ZMAT4: variants seen among roughly 807,000 people sequenced by gnomAD.
ZMAT4 encodes the protein zinc finger matrin-type 4.
Under a neutral mutation model 28.7 loss-of-function variants are expected in ZMAT4, and 17 were observed. That is an observed-to-expected ratio of 0.59 (90% CI 0.41 to 0.89). ZMAT4 has a LOEUF of 0.89. Ranked by LOEUF, ZMAT4 falls within the 40% of genes least tolerant of loss-of-function variation. The probability of loss-of-function intolerance (pLI) is 0.00; values close to 1 mark genes in which losing one functional copy is unlikely to be tolerated. For synonymous variants in ZMAT4, 117 were observed against 109.2 expected, an observed-to-expected ratio of 1.07 and a Z score of -0.44; for missense variants, 240 against 283.8, an observed-to-expected ratio of 0.85 and a Z score of 1.11.
At chr8:40,681,701 T>C (rs971199242) in intron 4 of ZMAT4, among the ~76,000 whole-genome samples, 5 of 152,344 alleles carry the variant, frequency 3.3e-5, no homozygotes, top group South Asian at 2.1e-4. Flanking sequence ...AAAGTACTGG[T>C]GACTTTTAAT....
In ZMAT4 at chr8:40,799,347, GT is replaced by G. The variant is rs529813285; in HGVS notation, c.102+26227del. ...AATGATGTTTAGATAGTTTAAAACT[GT>G]TTCTGTTCCTGTCTGTCCGTCTCTC... On this transcript the variant is annotated intron_variant, in intron 2 of 6. Transcript: ENST00000297737. Among the ~76,000 whole-genome samples, 232 of 152,144 alleles carry G rather than the reference GT, an allele frequency of 1.5e-3. 1 individual carries two copies. The highest frequency in any genetic ancestry group is 5.4e-3 in the African/African-American group (223 of 41,520).
intron 4 of ZMAT4, among the ~76,000 whole-genome samples, chr8:40,691,623 A>G (rs1809668513): frequency 6.6e-6 from 1 of 152,230 alleles, no homozygotes; most frequent in African/African-American, 2.4e-5. Context: ...AGAATCCTCA[A>G]ACAATGAGGA....
chr8:40,788,037 A>G (rs964452752), intron 2 of ZMAT4, among the ~76,000 whole-genome samples: 3 of 152,164 alleles, frequency 2.0e-5, no homozygotes, highest in African/African-American at 7.2e-5. Context: ...ATAGAAATAC[A>G]AAAGAGAAAA....
intron 2 of ZMAT4, among the ~76,000 whole-genome samples, chr8:40,781,570 G>A (rs34649184): frequency 0.16 from 24,190 of 150,012 alleles, 2,432 homozygotes; most frequent in Middle Eastern, 0.24. Flanking sequence ...AGACCATCCC[G>A]GCTAAAACGG....
At chr8:40,747,036 C>A (rs190538638) in intron 3 of ZMAT4, among the ~76,000 whole-genome samples, 1 of 152,302 alleles carries the variant, frequency 6.6e-6, no homozygotes, top group East Asian at 1.9e-4. Flanking sequence ...CTTATGAGAG[C>A]TGCCACTTTC....
intron 5 of ZMAT4, among the ~76,000 whole-genome samples, chr8:40,620,701 A>G (rs1046392575): frequency 6.6e-6 from 1 of 152,174 alleles, no homozygotes; most frequent in African/African-American, 2.4e-5. Flanking sequence ...TTGGTTTCCT[A>G]TTGCTGCTAC....
intron 6 of ZMAT4, among the ~76,000 whole-genome samples, chr8:40,552,775 A>G (rs918704361): frequency 3.3e-5 from 5 of 152,156 alleles, no homozygotes; most frequent in Admixed American, 2.6e-4. Flanking sequence ...CTTTGACTAT[A>G]GCGCAATGTA....
chr8:40,786,494 G>A (rs1464555107), intron 2 of ZMAT4, among the ~76,000 whole-genome samples: 8 of 148,078 alleles, frequency 5.4e-5, no homozygotes, highest in South Asian at 4.4e-4. Context: ...GATGCATACC[G>A]TACACAAACA....
intron 2 of ZMAT4, among the ~76,000 whole-genome samples, chr8:40,779,075 A>T (rs1813719032): frequency 6.6e-6 from 1 of 152,122 alleles, no homozygotes; most frequent in Admixed American, 6.5e-5. Context: ...CCCATAATTC[A>T]TGTTGTGGGA....
At chr8:40,668,468 C>CAAAAAAAAAAAAAA (rs71224843) in intron 5 of ZMAT4, among the ~76,000 whole-genome samples, 1 of 85,022 alleles carries the variant, frequency 1.2e-5, no homozygotes, top group East Asian at 3.4e-4. Flanking sequence ...GACTTTGTCT[C>CAAAAAAAAAAAAAA]AAAAAAAAAA....
intron 6 of ZMAT4, among the ~76,000 whole-genome samples, chr8:40,536,464 A>G (rs1802850555): frequency 6.6e-6 from 1 of 152,202 alleles, no homozygotes; most frequent in East Asian, 1.9e-4. Context: ...AAAATGTCTT[A>G]ATATGACACA....
At chr8:40,779,202 G>A (rs1813725580) in intron 2 of ZMAT4, among the ~76,000 whole-genome samples, 1 of 152,064 alleles carries the variant, frequency 6.6e-6, no homozygotes, top group African/African-American at 2.4e-5. Flanking sequence ...TCTCTTGCTT[G>A]GCTTTCATTC....
At chr8:40,544,470 T>C (rs1803136833) in intron 6 of ZMAT4, among the ~76,000 whole-genome samples, 1 of 152,204 alleles carries the variant, frequency 6.6e-6, no homozygotes, top group South Asian at 2.1e-4. Context: ...ATGAAAGGTG[T>C]GTCTTACCGA....
intron 2 of ZMAT4, among the ~76,000 whole-genome samples, chr8:40,809,772 A>C (rs938236940): frequency 3.9e-5 from 6 of 152,156 alleles, no homozygotes; most frequent in African/African-American, 1.4e-4. Context: ...TGCTGGGTGC[A>C]GTGGACCACA....
chr8:40,635,790 AT>A (rs1412405693), intron 5 of ZMAT4, among the ~76,000 whole-genome samples: 1 of 152,180 alleles, frequency 6.6e-6, no homozygotes, highest in Non-Finnish European at 1.5e-5. Flanking sequence ...CCTAAAAAAT[AT>A]TTGCTATTGT....
chr8:40,764,892 C>A (rs573567794), intron 3 of ZMAT4, among the ~76,000 whole-genome samples: 3 of 152,162 alleles, frequency 2.0e-5, no homozygotes, highest in Admixed American at 6.5e-5. Flanking sequence ...AGTGCAGTGG[C>A]ACAATCATAG....
At chr8:40,663,068 A>G (rs1045942662) in intron 5 of ZMAT4, among the ~76,000 whole-genome samples, 1 of 152,180 alleles carries the variant, frequency 6.6e-6, no homozygotes, top group Admixed American at 6.5e-5. Context: ...GCCACCAAAT[A>G]CAGTTCCGCT....
At chr8:40,594,743 A>G (rs559139103) in intron 5 of ZMAT4, among the ~76,000 whole-genome samples, 1 of 152,296 alleles carries the variant, frequency 6.6e-6, no homozygotes, top group African/African-American at 2.4e-5. Context: ...AGGAACACTC[A>G]TTTTTGGCAT....
Position 40,812,935 on chromosome 8 carries a change from A to AAAATTAAATT in ZMAT4, c.102+12630_102+12639dup, listed in dbSNP as rs67062060. ...GCGACAAGAGCAAAACTCCATCTCA[A>AAAATTAAATT]AAATTAAATTAAATTAAATTAAATT... is the stretch of plus-strand genomic sequence containing the variant. On this transcript the variant is annotated intron_variant, in intron 2 of 6. Transcript: ENST00000297737. 4.7e-3 allele frequency among the ~76,000 whole-genome samples: 367 copies of AAAATTAAATT among 78,024 alleles called. 3 individuals are homozygous for AAAATTAAATT. The highest frequency in any genetic ancestry group is 0.014 in the African/African-American group (338 of 24,134). The allele number at this position is 78,024 out of a possible 152,430, so 51.2% of individuals were successfully genotyped here. A position where few individuals can be genotyped will look rare whatever the true frequency, so the allele number is the denominator to read the frequency against.
Sources: gnomAD v4.1 joint callset for allele counts (sites outside exome capture counted in the v4.1 genomes callset) on GRCh38, gnomAD v4.1.1 for gene constraint, MANE v1.5 for transcripts, NCBI Gene and HGNC (gene_info 2026-07-23, HGNC 2026-07-21) for gene names.